The following SVEP1 variants were observed in gnomAD, a reference collection of about 807,000 sequenced individuals.
SVEP1 encodes sushi, von Willebrand factor type A, EGF and pentraxin domain-containing protein 1.
A neutral mutation model predicts 367.3 loss-of-function variants in SVEP1; 164 were observed. That is an observed-to-expected ratio of 0.45 (90% CI 0.39 to 0.51). The LOEUF is 0.51. SVEP1 is among the 20% of genes least tolerant of loss of function. SVEP1 has a pLI of 0.00. For missense variants in SVEP1, 4,117 were observed against 4,425.3 expected (o/e 0.93, Z 1.98); for synonymous variants, 1,666 against 1,611.6 (o/e 1.03, Z -0.81).
At chr9:110,473,521 A>G (rs976258496) in intron 14 of SVEP1, among the ~76,000 whole-genome samples, 3 of 152,216 alleles carry the variant, frequency 2.0e-5, no homozygotes, top group Non-Finnish European at 4.4e-5. Flanking sequence ...TATGCTATGT[A>G]TGTATTATTT....
chr9:110,530,929 T>C (rs1194255250), intron 3 of SVEP1, among the ~76,000 whole-genome samples: 2 of 152,174 alleles, frequency 1.3e-5, no homozygotes, highest in African/African-American at 2.4e-5. Flanking sequence ...TCTTAGAAAA[T>C]GTATTTTTTT....
chr9:110,546,234 T>A lies in SVEP1; in HGVS notation c.845A>T (p.Asp282Val), dbSNP rs745473480. The change falls in exon 3 of 48, where the codon GAT becomes GTT. Residue 282 changes from aspartate (D) to valine (V), a missense_variant. Physicochemically the swap from Asp to Val is radical, Grantham distance 152. Transcript: ENST00000374469. Reference sequence around the variant, plus strand: ...TCGGTCACAGCAGTCCTTGCCTTCATCACAAAGATATGAGCAGTGGACCAT... The same window carrying A: ...TCGGTCACAGCAGTCCTTGCCTTCAACACAAAGATATGAGCAGTGGACCAT... ...DDMVHCSYLC[D>V]EGKDCCDRMG... is the part of the protein sequence containing the mutation. 6.3e-6 allele frequency: 10 copies of A among 1,590,620 alleles called. No individual in the cohort carries two copies. The African/African-American group carries it at 6.7e-5, about 11-fold the overall frequency.
chr9:110,425,310 A>G (rs1828235897), intron 36 of SVEP1, among the ~76,000 whole-genome samples: 1 of 152,228 alleles, frequency 6.6e-6, no homozygotes, highest in East Asian at 1.9e-4. Context: ...TAATAATGAT[A>G]CAGAAAACAA....
intron 22 of SVEP1, among the ~76,000 whole-genome samples, chr9:110,453,078 T>C (rs373136387): frequency 8.8e-4 from 134 of 152,306 alleles, no homozygotes; most frequent in East Asian, 6.7e-3. Flanking sequence ...ATGGAAGTTG[T>C]TTTTAGATAC....
At chr9:110,471,701 C>T in intron 15 of SVEP1, 104 bp from the exon 16 acceptor site, 4 of 785,658 alleles carry the variant, frequency 5.1e-6, no homozygotes, top group Non-Finnish European at 6.0e-6. Context: ...TCTTTTAGTA[C>T]TAATAAGTGG....
intron 2 of SVEP1, among the ~76,000 whole-genome samples, 187 bp downstream of exon 2, chr9:110,549,662 G>A (rs921149742): frequency 2.0e-4 from 30 of 152,244 alleles, no homozygotes; most frequent in African/African-American, 6.7e-4. Context: ...AGGAACTCTT[G>A]TTGCAAGGTC....
At position 110,579,567 on chromosome 9, in the gene SVEP1, C is replaced by A. The variant is rs532479400; in HGVS notation, c.-24G>T. 4.5e-6 allele frequency: 7 copies of A among 1,549,132 alleles called. No individual in the cohort carries two copies. The African/African-American group carries it at 8.6e-5, about 19-fold the overall frequency. Reference sequence around the variant, plus strand: ...ATCGCGCTGGAGACAGAGCGGCTGCCCCGGAGCGCAGGCGGCGGCTCGGGC... The same window carrying A: ...ATCGCGCTGGAGACAGAGCGGCTGCACCGGAGCGCAGGCGGCGGCTCGGGC... On this transcript the variant is annotated 5_prime_UTR_variant, in exon 1 of 48. Transcript: ENST00000374469. This position sits in a 1 kb window ranked among gnomAD's most constrained non-coding sequence, Gnocchi z 5.3.
chr9:110,539,453 T>C (rs139166003), intron 3 of SVEP1, among the ~76,000 whole-genome samples: 79 of 152,206 alleles, frequency 5.2e-4, no homozygotes, highest in African/African-American at 1.6e-3. Context: ...GAGTACAGTA[T>C]GACCAGATTT....
intron 18 of SVEP1, among the ~76,000 whole-genome samples, chr9:110,463,693 A>T (rs373998515): frequency 2.0e-5 from 3 of 151,992 alleles, no homozygotes; most frequent in African/African-American, 7.2e-5. Flanking sequence ...AGGCAGGTGA[A>T]AGAAAAAGAA....
chr9:110,506,993 C>T (rs893648822), intron 5 of SVEP1, among the ~76,000 whole-genome samples: 2 of 152,128 alleles, frequency 1.3e-5, no homozygotes, highest in Non-Finnish European at 2.9e-5. Context: ...AATGCACTCT[C>T]AGTCAGAAGG....
intron 17 of SVEP1, 128 bp from the exon 18 acceptor site, chr9:110,466,154 C>G (rs1364353133): frequency 4.2e-6 from 4 of 959,114 alleles, no homozygotes; most frequent in Admixed American, 5.8e-5. Flanking sequence ...CCAGAGAGCT[C>G]TTTCTCCTGT....
intron 26 of SVEP1, among the ~76,000 whole-genome samples, chr9:110,445,340 A>T (rs1386065515): frequency 6.6e-6 from 1 of 152,206 alleles, no homozygotes; most frequent in Non-Finnish European, 1.5e-5. Context: ...ATTCTAAAAA[A>T]AATATGCACA....
intron 1 of SVEP1, among the ~76,000 whole-genome samples, chr9:110,551,937 T>A (rs1830291920): frequency 6.6e-6 from 1 of 151,878 alleles, no homozygotes; most frequent in Admixed American, 6.6e-5. Flanking sequence ...AGGTCCTCTT[T>A]CCATCTGGAT....
At chr9:110,390,549 C>T (rs1827639841) in intron 40 of SVEP1, among the ~76,000 whole-genome samples, 1 of 150,958 alleles carries the variant, frequency 6.6e-6, no homozygotes, top group Non-Finnish European at 1.5e-5. Context: ...ATGCAAACCC[C>T]CAGAAACTAT....
At chr9:110,403,327 A>T in intron 39 of SVEP1, among the ~76,000 whole-genome samples, 1 of 37,274 alleles carries the variant, frequency 2.7e-5, no homozygotes, top group African/African-American at 3.6e-4. Context: ...TTTTTTTGAC[A>T]CGGAGTATTG....
intron 40 of SVEP1, among the ~76,000 whole-genome samples, chr9:110,389,980 G>GAATCATA (rs1348268970): frequency 8.0e-6 from 1 of 125,250 alleles, no homozygotes; most frequent in Admixed American, 9.6e-5. Context: ...AGTACTATTT[G>GAATCATA]GCCATAAAAA....
At chr9:110,459,979 G>A (rs2118640146) in intron 18 of SVEP1, among the ~76,000 whole-genome samples, 1 of 152,048 alleles carries the variant, frequency 6.6e-6, no homozygotes, top group African/African-American at 2.4e-5. Context: ...ATTTTTGCCA[G>A]TTTGTGCTTT....
At chr9:110,439,603 T>A (rs1588053987) in intron 27 of SVEP1, among the ~76,000 whole-genome samples, 1 of 152,108 alleles carries the variant, frequency 6.6e-6, no homozygotes, top group Non-Finnish European at 1.5e-5. Flanking sequence ...TTTCACCATG[T>A]TGGCCAAGCT....
chr9:110,554,247 G>T (rs1414804973), intron 1 of SVEP1, among the ~76,000 whole-genome samples: 1 of 151,716 alleles, frequency 6.6e-6, no homozygotes, highest in Non-Finnish European at 1.5e-5. Flanking sequence ...GGTTAACTTT[G>T]ATTTTTTCTT....
Sources: gnomAD v4.1 joint callset for allele counts (sites outside exome capture counted in the v4.1 genomes callset) on GRCh38, gnomAD v4.1.1 for gene constraint, Gnocchi (gnomAD v3.1) non-coding constraint, MANE v1.5 for transcripts, NCBI Gene and HGNC (gene_info 2026-07-23, HGNC 2026-07-21) for gene names.